The following DCDC1 variants were observed in gnomAD, a reference collection of about 807,000 sequenced individuals.
The protein encoded by DCDC1 is doublecortin domain-containing protein 1.
In DCDC1, 200 loss-of-function variants were observed where a neutral mutation model predicts 178.3. The ratio of observed to expected loss-of-function variants is 1.12; its 90% CI spans 1.00 to 1.26. The LOEUF (loss-of-function observed/expected upper bound fraction) is 1.26. Among genes scored for constraint, DCDC1 ranks in the 50% most tolerant of loss-of-function variants. The pLI, the probability that DCDC1 is intolerant of heterozygous loss-of-function variation, is 0.00. For synonymous variants in DCDC1, 690 were observed against 604.8 expected, an observed-to-expected ratio of 1.14 and a Z score of -2.07; for missense variants, 1,983 against 1,749.2, an observed-to-expected ratio of 1.13 and a Z score of -2.38.
At chr11:30,909,242 C>T (rs1334024658) in intron 28 of DCDC1, 126 bp from the exon 29 acceptor site, 2 of 662,810 alleles carry the variant, frequency 3.0e-6, no homozygotes, top group Non-Finnish European at 4.4e-6. Flanking sequence ...GTGACAACTA[C>T]TACTCTTGAA....
chr11:30,917,292 A>G (rs1488102833), intron 25 of DCDC1, among the ~76,000 whole-genome samples: 1 of 152,194 alleles, frequency 6.6e-6, no homozygotes, highest in African/African-American at 2.4e-5. Flanking sequence ...AAATGGGACT[A>G]TGTATTGTAT....
chr11:31,307,487 T>C (rs748361585), intron 4 of DCDC1, 152 bp downstream of exon 4: 111 of 935,570 alleles, frequency 1.2e-4, no homozygotes, highest in Admixed American at 2.6e-4. Flanking sequence ...TCTACTCTGG[T>C]GCTTTCAAAG....
chr11:31,214,242 C>G (rs1025383615), intron 9 of DCDC1, among the ~76,000 whole-genome samples: 3 of 151,944 alleles, frequency 2.0e-5, no homozygotes, highest in Non-Finnish European at 2.9e-5. Context: ...CAGACTATTA[C>G]AAAATACAGT....
chr11:31,254,181 C>T (rs1944262282), intron 8 of DCDC1, among the ~76,000 whole-genome samples: 2 of 152,072 alleles, frequency 1.3e-5, no homozygotes, highest in South Asian at 4.1e-4. Flanking sequence ...AAGATTATTC[C>T]AAGTGAGCAG....
At chr11:31,107,878 C>G (rs1422604343) in intron 12 of DCDC1, among the ~76,000 whole-genome samples, 1 of 152,160 alleles carries the variant, frequency 6.6e-6, no homozygotes, top group East Asian at 1.9e-4. Context: ...CTCTCGGTTT[C>G]TTGTTATCCT....
chr11:31,311,185 A>T (rs893182214), intron 3 of DCDC1, among the ~76,000 whole-genome samples: 1 of 152,212 alleles, frequency 6.6e-6, no homozygotes, highest in East Asian at 1.9e-4. Context: ...TACACAGGAT[A>T]GGACACCCCT....
At chr11:30,933,703 C>T (rs1947084132) in intron 21 of DCDC1, among the ~76,000 whole-genome samples, 1 of 152,190 alleles carries the variant, frequency 6.6e-6, no homozygotes, top group South Asian at 2.1e-4. Flanking sequence ...GTGAGAAACA[C>T]ACTCACGCAT....
At chr11:31,222,043 C>T (rs1353158756) in intron 9 of DCDC1, among the ~76,000 whole-genome samples, 5 of 152,028 alleles carry the variant, frequency 3.3e-5, no homozygotes, top group Non-Finnish European at 1.5e-5. Context: ...TACCTTTCCT[C>T]TAGTTTTTTG....
At chr11:31,098,649 T>C (rs1191502313) in intron 15 of DCDC1, among the ~76,000 whole-genome samples, 1 of 152,204 alleles carries the variant, frequency 6.6e-6, no homozygotes, top group Non-Finnish European at 1.5e-5. Context: ...TCTACCCCAA[T>C]GAGCAGCAAG....
At chr11:30,895,097 GA>G (rs2134069945) in intron 34 of DCDC1, among the ~76,000 whole-genome samples, 1 of 152,276 alleles carries the variant, frequency 6.6e-6, no homozygotes, top group Non-Finnish European at 1.5e-5. Flanking sequence ...TTTCTGTGTT[GA>G]AGATATACTC....
rs372822150 is a variant in DCDC1 at position 30,963,655 on chromosome 11, G to T, written c.2592-11087C>A. Among the ~76,000 whole-genome samples, 4 of 152,190 alleles carry T rather than the reference G, an allele frequency of 2.6e-5. No individual in the cohort carries two copies. The South Asian group carries it at 8.3e-4, about 32-fold the overall frequency. Reference sequence around the variant, plus strand: ...CTAACTGCTTTAGAGCCATAGGTGGGAGCCACATGATAAGAATGGCACAGC... The same window carrying T: ...CTAACTGCTTTAGAGCCATAGGTGGTAGCCACATGATAAGAATGGCACAGC... On this transcript the variant is annotated intron_variant, in intron 20 of 38. Transcript: ENST00000684477.
chr11:31,090,584 G>A (rs995428447), intron 17 of DCDC1, among the ~76,000 whole-genome samples: 2 of 152,106 alleles, frequency 1.3e-5, no homozygotes, highest in Non-Finnish European at 2.9e-5. Context: ...GTGCAGACTG[G>A]ATCTATACCT....
chr11:31,324,120 T>C (rs558725276), intron 3 of DCDC1, among the ~76,000 whole-genome samples: 1 of 152,210 alleles, frequency 6.6e-6, no homozygotes, highest in Non-Finnish European at 1.5e-5. Context: ...TGCAACTCAA[T>C]GATTGAATAA....
intron 11 of DCDC1, among the ~76,000 whole-genome samples, chr11:31,118,755 C>T (rs1960352294): frequency 6.6e-6 from 1 of 152,168 alleles, no homozygotes; most frequent in Non-Finnish European, 1.5e-5. Context: ...GGACTTTCCC[C>T]GCTGACTGCC....
intron 9 of DCDC1, among the ~76,000 whole-genome samples, chr11:31,229,286 G>T (rs1217928678): frequency 6.6e-6 from 1 of 151,882 alleles, no homozygotes; most frequent in African/African-American, 2.4e-5. Context: ...ATCAGACAAA[G>T]ATATTAAAAG....
chr11:31,077,395 A>G (rs1956929344), intron 18 of DCDC1, among the ~76,000 whole-genome samples: 1 of 152,178 alleles, frequency 6.6e-6, no homozygotes. Context: ...GCTGACATCC[A>G]TTTGAGTAAT....
At chr11:31,351,364 TA>T (rs753323674) in intron 1 of DCDC1, among the ~76,000 whole-genome samples, 4 of 152,122 alleles carry the variant, frequency 2.6e-5, no homozygotes, top group Non-Finnish European at 5.9e-5. Context: ...GTGGTTGCCA[TA>T]GTAACAAATA....
At chr11:31,294,860 A>AAGAG (rs1491378829) in intron 6 of DCDC1, among the ~76,000 whole-genome samples, 1 of 142,384 alleles carries the variant, frequency 7.0e-6, no homozygotes, top group Non-Finnish European at 1.5e-5. Context: ...GAAAGAAAGA[A>AAGAG]AGAAAGAAAA....
chr11:31,133,551 A>C (rs1962724701), intron 10 of DCDC1, among the ~76,000 whole-genome samples: 1 of 152,210 alleles, frequency 6.6e-6, no homozygotes, highest in South Asian at 2.1e-4. Context: ...TGTTGAATGA[A>C]GATTGGAAAA....
Sources: gnomAD v4.1 joint callset for allele counts (sites outside exome capture counted in the v4.1 genomes callset) on GRCh38, gnomAD v4.1.1 for gene constraint, MANE v1.5 for transcripts, NCBI Gene and HGNC (gene_info 2026-07-23, HGNC 2026-07-21) for gene names.